RBKS: variants seen among roughly 807,000 people sequenced by gnomAD.
The protein encoded by RBKS is ribokinase.
RBKS carries 33 observed loss-of-function variants against 33.9 expected under a neutral mutation model. The ratio of observed to expected loss-of-function variants is 0.97; its 90% confidence interval spans 0.74 to 1.30. RBKS has a LOEUF of 1.30. RBKS is among the 50% of genes most tolerant of loss of function. The pLI is 0.00. For synonymous variants in RBKS, 125 were observed against 143.0 expected, an observed-to-expected ratio of 0.87 and a Z score of 0.90; for missense variants, 361 against 392.6, an observed-to-expected ratio of 0.92 and a Z score of 0.68.
intron 7 of RBKS, among the ~76,000 whole-genome samples, chr2:27,784,210 C>A (rs1041394259): frequency 6.6e-6 from 1 of 151,738 alleles, no homozygotes; most frequent in Non-Finnish European, 1.5e-5. Flanking sequence ...GTCTCGATCT[C>A]CTGACCTCGT....
At chr2:27,876,172 A>AG (rs1664312045) in intron 1 of RBKS, among the ~76,000 whole-genome samples, 1 of 152,326 alleles carries the variant, frequency 6.6e-6, no homozygotes, top group East Asian at 1.9e-4. Context: ...GGGCTCAAAC[A>AG]GGTATTTGTA....
At chr2:27,846,819 G>A (rs1345486857) in intron 4 of RBKS, among the ~76,000 whole-genome samples, 1 of 152,148 alleles carries the variant, frequency 6.6e-6, no homozygotes, top group Non-Finnish European at 1.5e-5. Flanking sequence ...ATATTGGATT[G>A]ACAATTTTGA....
Position 27,840,455 on chromosome 2 carries a change from C to T in RBKS, c.514+2612G>A, listed in dbSNP as rs533182268. Among the ~76,000 whole-genome samples the T allele has an allele frequency of 1.4e-4, 22 of 151,868 alleles. No homozygotes were observed. The East Asian group carries it at 3.9e-3, about 27-fold the overall frequency. On this transcript the variant is annotated intron_variant, in intron 5 of 7. Coordinates refer to ENST00000302188, the MANE Select transcript of RBKS (RefSeq NM_022128.3). The stretch of plus-strand genomic sequence containing the variant: ...CCGGTATCTACCAAATAGGGACCAG[C>T]TGACTTGGCCAGAGAAAGCCACCGG...
At chr2:27,833,518 A>AT (rs1245200899) in intron 5 of RBKS, among the ~76,000 whole-genome samples, 2 of 152,118 alleles carry the variant, frequency 1.3e-5, no homozygotes, top group Non-Finnish European at 2.9e-5. Flanking sequence ...TATCATGGCC[A>AT]TTTTTCAGAG....
intron 2 of RBKS, among the ~76,000 whole-genome samples, chr2:27,856,840 G>A (rs1249388551): frequency 2.6e-5 from 4 of 152,062 alleles, no homozygotes; most frequent in Admixed American, 2.0e-4. Context: ...CTCTCCAAAC[G>A]CTCCATAGCT....
At chr2:27,835,984 G>A (rs1432529256) in intron 5 of RBKS, among the ~76,000 whole-genome samples, 1 of 152,012 alleles carries the variant, frequency 6.6e-6, no homozygotes, top group African/African-American at 2.4e-5. Context: ...GGGAGGCTGA[G>A]GGGGGTAGAT....
At chr2:27,889,335 TC>T (rs1178058605) in intron 1 of RBKS, among the ~76,000 whole-genome samples, 1 of 152,238 alleles carries the variant, frequency 6.6e-6, no homozygotes, top group East Asian at 1.9e-4. Flanking sequence ...AAGCAACATT[TC>T]AGGACGAATG....
intron 7 of RBKS, among the ~76,000 whole-genome samples, chr2:27,801,464 TACACACACACACACAC>T (rs56063622): frequency 8.1e-5 from 11 of 136,338 alleles, no homozygotes; most frequent in African/African-American, 2.8e-4. Flanking sequence ...GGCCACAGTA[TACACACACACACACAC>T]ACACACACAC....
Position 27,890,188 on chromosome 2 carries a change from A to G in RBKS, c.89+69T>C. 1 of 1,476,822 alleles carries G rather than the reference A, an allele frequency of 6.8e-7. No individual in the cohort carries two copies. Among genetic ancestry groups the G allele is most frequent in the Non-Finnish European group, 9.4e-7 (1 of 1,064,412 alleles). The allele number at this position is 1,476,822 out of a possible 1,614,324, so 91.5% of individuals were successfully genotyped here. ...TGGAGACCCAGCGCCCAAAAGCTCCACTGGGCGCATAGCGCACGGCACGCC... is the reference window on the plus strand; with the variant it reads ...TGGAGACCCAGCGCCCAAAAGCTCCGCTGGGCGCATAGCGCACGGCACGCC... On this transcript the variant is annotated intron_variant, in intron 1 of 7. Transcript: ENST00000302188. The surrounding 1 kb of genome is among the most constrained non-coding windows in gnomAD (Gnocchi z 4.8).
intron 1 of RBKS, among the ~76,000 whole-genome samples, chr2:27,862,681 A>G (rs1218475802): frequency 6.6e-6 from 1 of 151,798 alleles, no homozygotes; most frequent in Non-Finnish European, 1.5e-5. Flanking sequence ...CCTGCTCTTG[A>G]CTCGGGGGTT....
At chr2:27,843,779 G>A (rs1316818394) in intron 4 of RBKS, among the ~76,000 whole-genome samples, 1 of 152,132 alleles carries the variant, frequency 6.6e-6, no homozygotes, top group Non-Finnish European at 1.5e-5. Flanking sequence ...ATACTATAAT[G>A]GATCAAACAG....
chr2:27,868,877 C>T (rs1664151066), intron 1 of RBKS, among the ~76,000 whole-genome samples: 1 of 152,098 alleles, frequency 6.6e-6, no homozygotes, highest in African/African-American at 2.4e-5. Context: ...ATAGTAAGTC[C>T]AATTGAAATA....
chr2:27,869,111 C>A (rs910893745), intron 1 of RBKS, among the ~76,000 whole-genome samples: 3 of 152,126 alleles, frequency 2.0e-5, no homozygotes, highest in Admixed American at 2.0e-4. Context: ...GGATTCAAAG[C>A]AAGGTTGATC....
At chr2:27,873,997 A>G (rs531624189) in intron 1 of RBKS, among the ~76,000 whole-genome samples, 1 of 152,340 alleles carries the variant, frequency 6.6e-6, no homozygotes, top group South Asian at 2.1e-4. Flanking sequence ...AGTGATATAA[A>G]AATCATAAAG....
chr2:27,801,950 G>A (rs13018104), intron 7 of RBKS, among the ~76,000 whole-genome samples: 3,716 of 40,314 alleles, frequency 0.092, 442 homozygotes, highest in East Asian at 0.49. Flanking sequence ...AGTAGCTGGG[G>A]AAAAAAAAAA....
chr2:27,859,275 A>G (rs1044985494), intron 1 of RBKS, among the ~76,000 whole-genome samples: 3 of 152,228 alleles, frequency 2.0e-5, no homozygotes, highest in African/African-American at 7.2e-5. Context: ...ATAAAAGTAG[A>G]GAAAACAGCA....
chr2:27,874,697 T>C (rs1664278770), intron 1 of RBKS, among the ~76,000 whole-genome samples: 1 of 152,234 alleles, frequency 6.6e-6, no homozygotes, highest in African/African-American at 2.4e-5. Flanking sequence ...CTCTACTTCA[T>C]AGTTCCTGCT....
intron 2 of RBKS, among the ~76,000 whole-genome samples, chr2:27,854,702 A>G (rs1663819969): frequency 6.6e-6 from 1 of 151,872 alleles, no homozygotes; most frequent in East Asian, 1.9e-4. Context: ...CTGGGCACAT[A>G]GCCTATCAGT....
At chr2:27,814,269 C>G (rs1678046042) in intron 7 of RBKS, among the ~76,000 whole-genome samples, 1 of 152,232 alleles carries the variant, frequency 6.6e-6, no homozygotes, top group East Asian at 1.9e-4. Flanking sequence ...ATCTTAAACA[C>G]AGGTGTCATA....
Sources: gnomAD v4.1 joint callset for allele counts (sites outside exome capture counted in the v4.1 genomes callset) on GRCh38, gnomAD v4.1.1 for gene constraint, Gnocchi (gnomAD v3.1) non-coding constraint, MANE v1.5 for transcripts, NCBI Gene and HGNC (gene_info 2026-07-23, HGNC 2026-07-21) for gene names.